MYO16: variants seen among roughly 807,000 people sequenced by gnomAD.
MYO16 encodes the protein myosin XVI.
Under a neutral mutation model 205.3 loss-of-function variants are expected in MYO16, and 94 were observed. That is an observed-to-expected ratio of 0.46 (90% confidence interval 0.39 to 0.54). MYO16 has a LOEUF of 0.54. Ranked by LOEUF, MYO16 falls within the 20% of genes least tolerant of loss-of-function variation. MYO16 has a pLI of 0.00. For synonymous variants in MYO16, 988 were observed against 954.0 expected, an observed-to-expected ratio of 1.04 and a Z score of -0.66; for missense variants, 2,315 against 2,387.5, an observed-to-expected ratio of 0.97 and a Z score of 0.63.
At chr13:108,832,144 A>G (rs1175366389) in intron 9 of MYO16, among the ~76,000 whole-genome samples, 1 of 134,602 alleles carries the variant, frequency 7.4e-6, no homozygotes, top group Non-Finnish European at 1.5e-5. Flanking sequence ...TTCCGTATGG[A>G]TTTTTTTTTT....
intron 28 of MYO16, among the ~76,000 whole-genome samples, chr13:109,116,755 G>A (rs953942028): frequency 5.3e-5 from 8 of 152,156 alleles, no homozygotes; most frequent in African/African-American, 1.7e-4. Context: ...GCTAGTTCCT[G>A]GTTCCCCAGC....
intron 14 of MYO16, among the ~76,000 whole-genome samples, chr13:108,893,030 A>G (rs1412350029): frequency 6.6e-6 from 1 of 152,236 alleles, no homozygotes; most frequent in Non-Finnish European, 1.5e-5. Context: ...AGATTCATAA[A>G]TAAATGACTT....
At chr13:109,023,576 T>C (rs1476413833) in intron 23 of MYO16, among the ~76,000 whole-genome samples, 6 of 125,594 alleles carry the variant, frequency 4.8e-5, no homozygotes, top group Admixed American at 4.6e-4. Context: ...AATACATGTA[T>C]ATATTTATAT....
At chr13:108,830,422 G>A (rs890764703) in intron 9 of MYO16, among the ~76,000 whole-genome samples, 6 of 151,428 alleles carry the variant, frequency 4.0e-5, no homozygotes, top group East Asian at 1.9e-4. Flanking sequence ...ATGGAATACT[G>A]TGCAGCCATA....
intron 33 of MYO16, among the ~76,000 whole-genome samples, chr13:109,165,612 G>A (rs1438090913): frequency 6.6e-6 from 1 of 152,186 alleles, no homozygotes; most frequent in Non-Finnish European, 1.5e-5. Flanking sequence ...CTCCCGCAGG[G>A]CTGGGAAAAG....
chr13:109,179,189 G>A (rs752725331), intron 33 of MYO16, among the ~76,000 whole-genome samples: 1 of 152,120 alleles, frequency 6.6e-6, no homozygotes, highest in East Asian at 1.9e-4. Flanking sequence ...TCACCCTAGT[G>A]ACTCAGTGGG....
intron 1 of MYO16, among the ~76,000 whole-genome samples, chr13:108,607,511 G>T (rs1879004741): frequency 6.6e-6 from 1 of 152,012 alleles, no homozygotes. Flanking sequence ...TATGAAGAAG[G>T]ACATGTTTCC....
intron 27 of MYO16, 39 bp from the exon 28 acceptor site, chr13:109,100,746 A>G: frequency 6.6e-7 from 1 of 1,510,420 alleles, no homozygotes. Flanking sequence ...GTGCTTGGCA[A>G]ATGCAGTCAT....
intron 1 of MYO16, among the ~76,000 whole-genome samples, chr13:108,647,596 G>T (rs967208561): frequency 1.3e-5 from 2 of 151,776 alleles, no homozygotes; most frequent in Non-Finnish European, 1.5e-5. Flanking sequence ...ACTTAAAATT[G>T]AGAAATTTTT....
chr13:108,799,915 G>A (rs1184355256), intron 6 of MYO16, among the ~76,000 whole-genome samples: 1 of 152,176 alleles, frequency 6.6e-6, no homozygotes, highest in Non-Finnish European at 1.5e-5. Flanking sequence ...GAGGCAATAA[G>A]AGCAAGGTTT....
intron 23 of MYO16, among the ~76,000 whole-genome samples, chr13:109,023,604 C>T (rs1245223686): frequency 3.1e-4 from 38 of 121,480 alleles, no homozygotes; most frequent in African/African-American, 1.0e-3. Flanking sequence ...TATAAATGTA[C>T]ATATTTATAT....
intron 13 of MYO16, among the ~76,000 whole-genome samples, chr13:108,885,278 C>A (rs2139172321): frequency 6.6e-6 from 1 of 152,326 alleles, no homozygotes; most frequent in Non-Finnish European, 1.5e-5. Context: ...TGCCACCACG[C>A]CCGGCTAATT....
At chr13:108,857,529 G>A (rs147067643) in intron 11 of MYO16, among the ~76,000 whole-genome samples, 2 of 152,336 alleles carry the variant, frequency 1.3e-5, no homozygotes, top group East Asian at 3.9e-4. Context: ...GAGGGTCTAA[G>A]GACTTGGGAA....
At chr13:108,703,719 T>C (rs1375804100) in intron 2 of MYO16, among the ~76,000 whole-genome samples, 2 of 152,140 alleles carry the variant, frequency 1.3e-5, no homozygotes, top group Non-Finnish European at 2.9e-5. Flanking sequence ...CTCACCATAA[T>C]GGAATGAAAA....
rs143589061 is a variant in MYO16, at chr13:108,705,348, C to T, written c.293-7313C>T. 4.7e-3 allele frequency among the ~76,000 whole-genome samples: 719 copies of T among 152,288 alleles called. 5 individuals are homozygous for T. Among genetic ancestry groups the T allele is most frequent in the African/African-American group, 0.016 (671 of 41,556 alleles). On this transcript the variant is annotated intron_variant, in intron 2 of 34. Transcript: ENST00000457511. ...ACAGGAGCCTTTTCTGACCTATCAT[C>T]AGAAGGTCAGTTGTAGCCTAATGCA...
chr13:108,649,685 T>C (rs1464634427), intron 1 of MYO16, among the ~76,000 whole-genome samples: 1 of 152,230 alleles, frequency 6.6e-6, no homozygotes, highest in Admixed American at 6.5e-5. Flanking sequence ...ATTGGTATAA[T>C]AACAAACTTG....
intron 18 of MYO16, 42 bp from the exon 19 acceptor site, chr13:108,962,382 A>C (rs531260956): frequency 1.3e-6 from 2 of 1,528,506 alleles, no homozygotes; most frequent in East Asian, 2.3e-5. Context: ...TGGTATCAAA[A>C]AATATACTAA....
At chr13:108,941,957 G>A (rs149053966) in intron 16 of MYO16, among the ~76,000 whole-genome samples, 1 of 152,104 alleles carries the variant, frequency 6.6e-6, no homozygotes, top group Non-Finnish European at 1.5e-5. Flanking sequence ...TTGTTTAATT[G>A]ACTTTGAATT....
chr13:109,009,604 A>G (rs1194841236), intron 22 of MYO16, among the ~76,000 whole-genome samples: 1 of 152,226 alleles, frequency 6.6e-6, no homozygotes, highest in East Asian at 1.9e-4. Flanking sequence ...GCCAAAATCT[A>G]TCACATAAAC....
Sources: allele counts gnomAD v4.1 joint callset (sites outside exome capture counted in the v4.1 genomes callset), GRCh38; gene constraint gnomAD v4.1.1; transcripts MANE v1.5; gene names NCBI Gene and HGNC (gene_info 2026-07-23, HGNC 2026-07-21).